DCLK2: variants seen among roughly 807,000 people sequenced by gnomAD.
DCLK2 encodes the protein serine/threonine-protein kinase DCLK2.
In DCLK2, 31 loss-of-function variants were observed where a neutral mutation model predicts 78.4. The observed-to-expected ratio is 0.40, with a 90% CI of 0.30 to 0.53. The LOEUF (loss-of-function observed/expected upper bound fraction) is 0.53. DCLK2 is among the 20% of genes least tolerant of loss of function. The pLI is 0.61. For missense variants in DCLK2, 872 were observed against 973.7 expected (o/e 0.90, Z 1.39); for synonymous variants, 407 against 374.9 (o/e 1.09, Z -0.99).
chr4:150,113,357 T>C (rs1346721669), intron 2 of DCLK2, among the ~76,000 whole-genome samples: 1 of 152,216 alleles, frequency 6.6e-6, no homozygotes, highest in Admixed American at 6.5e-5. Context: ...AATTTGGCTG[T>C]GAATCTATCT....
intron 4 of DCLK2, among the ~76,000 whole-genome samples, chr4:150,200,697 A>G (rs1363818715): frequency 4.6e-5 from 7 of 152,216 alleles, no homozygotes; most frequent in African/African-American, 9.6e-5. Flanking sequence ...TACCTTTTCA[A>G]TCTTGGGGCA....
chr4:150,238,209 A>C (rs1466353678), intron 10 of DCLK2, among the ~76,000 whole-genome samples: 1 of 152,168 alleles, frequency 6.6e-6, no homozygotes, highest in Non-Finnish European at 1.5e-5. Flanking sequence ...TTTTATATGT[A>C]ATTTTGCATT....
At chr4:150,121,491 C>T (rs188698789) in intron 2 of DCLK2, among the ~76,000 whole-genome samples, 7 of 152,310 alleles carry the variant, frequency 4.6e-5, no homozygotes, top group Non-Finnish European at 1.0e-4. Context: ...ATTTAGGCTC[C>T]ACTTCTAATT....
chr4:150,089,341 A>G (rs1329588969), intron 1 of DCLK2, among the ~76,000 whole-genome samples: 1 of 152,222 alleles, frequency 6.6e-6, no homozygotes, highest in Non-Finnish European at 1.5e-5. Context: ...GGAATGAGAG[A>G]TTAAGGAGGA....
At chr4:150,099,753 G>T (rs1730758721) in intron 1 of DCLK2, among the ~76,000 whole-genome samples, 1 of 152,164 alleles carries the variant, frequency 6.6e-6, no homozygotes, top group African/African-American at 2.4e-5. Context: ...AGAAAACAGG[G>T]CCATGGGTGC....
At chr4:150,217,723 C>T (rs904628420) in intron 5 of DCLK2, among the ~76,000 whole-genome samples, 4 of 152,182 alleles carry the variant, frequency 2.6e-5, no homozygotes, top group Non-Finnish European at 4.4e-5. Context: ...TTATGTTTCT[C>T]TGTTCAGCTG....
At chr4:150,104,423 A>AAAAAAAAAAAAC (rs1553954755) in intron 2 of DCLK2, among the ~76,000 whole-genome samples, 2 of 141,038 alleles carry the variant, frequency 1.4e-5, no homozygotes, top group Non-Finnish European at 3.1e-5. Flanking sequence ...AAAAAAAAAA[A>AAAAAAAAAAAAC]TCGAGCATCT....
At chr4:150,232,849 C>T in intron 10 of DCLK2, 21 bp downstream of exon 10, 1 of 1,606,046 alleles carries the variant, frequency 6.2e-7, no homozygotes, top group Non-Finnish European at 8.5e-7. Context: ...CCTGCTTTTT[C>T]TGTTCCAATG....
At chr4:150,254,563 G>A (rs1167524309) in intron 15 of DCLK2, 1 of 398,208 alleles carries the variant, frequency 2.5e-6, no homozygotes, top group Non-Finnish European at 4.4e-6. Context: ...TTTGTGGTAG[G>A]AAAAACCTGT....
intron 12 of DCLK2, among the ~76,000 whole-genome samples, chr4:150,244,325 T>C (rs1052691308): frequency 2.6e-5 from 4 of 152,304 alleles, no homozygotes; most frequent in African/African-American, 9.6e-5. Context: ...AGTTGTTGTC[T>C]AAGCAAGTCT....
At chr4:150,198,186 G>C (rs1739201763) in intron 4 of DCLK2, 83 bp downstream of exon 4, 2 of 1,272,174 alleles carry the variant, frequency 1.6e-6, no homozygotes, top group African/African-American at 1.5e-5. Flanking sequence ...TGAATTAGTA[G>C]TCTTTGCCAG....
At chr4:150,117,307 C>A (rs2150176306) in intron 2 of DCLK2, among the ~76,000 whole-genome samples, 1 of 152,296 alleles carries the variant, frequency 6.6e-6, no homozygotes, top group Admixed American at 6.5e-5. Flanking sequence ...GTTCCACTAG[C>A]AGCAGCTAGC....
In DCLK2 at chr4:150,171,939, T is replaced by G. The variant is rs114351360; in HGVS notation, c.757-21199T>G. The stretch of plus-strand genomic sequence containing the variant: ...ACTGGGTAAAAGATAAATTGACAAA[T>G]GCGTGCATCTTGTGACATGTCCAGA... On this transcript the variant is annotated intron_variant, in intron 2 of 15. Coordinates refer to ENST00000296550, the MANE Select transcript of DCLK2 (RefSeq NM_001040260.4). Among the ~76,000 whole-genome samples the G allele has an allele frequency of 2.2e-3, 342 of 152,350 alleles. 1 individual carries two copies. Among genetic ancestry groups the G allele is most frequent in the African/African-American group, 7.9e-3 (329 of 41,590 alleles).
At chr4:150,200,711 G>A (rs1739387890) in intron 4 of DCLK2, among the ~76,000 whole-genome samples, 2 of 152,232 alleles carry the variant, frequency 1.3e-5, no homozygotes, top group African/African-American at 2.4e-5. Flanking sequence ...TGGGGCAGAA[G>A]TCCTAAATGA....
At chr4:150,102,372 A>C (rs1320389131) in intron 1 of DCLK2, 106 bp from the exon 2 acceptor site, 1 of 1,035,494 alleles carries the variant, frequency 9.7e-7, no homozygotes, top group Non-Finnish European at 1.4e-6. Flanking sequence ...TAGTGAACCC[A>C]CTAAGGTTAA....
chr4:150,211,228 C>T (rs757589599), intron 5 of DCLK2, among the ~76,000 whole-genome samples: 8 of 152,080 alleles, frequency 5.3e-5, no homozygotes, highest in Non-Finnish European at 8.8e-5. Flanking sequence ...CAGAAGGCCT[C>T]GGTTACTCGC....
intron 1 of DCLK2, among the ~76,000 whole-genome samples, chr4:150,091,518 C>T (rs1298260859): frequency 6.6e-6 from 1 of 152,058 alleles, no homozygotes; most frequent in Non-Finnish European, 1.5e-5. Flanking sequence ...AAGTTCAGTG[C>T]TTGCTTCTAC....
intron 2 of DCLK2, among the ~76,000 whole-genome samples, chr4:150,107,528 C>T (rs1731353730): frequency 6.6e-6 from 1 of 151,834 alleles, no homozygotes; most frequent in African/African-American, 2.4e-5. Context: ...AGGCACATGA[C>T]ACCATGCCTG....
chr4:150,254,999 T>C (rs530788927), intron 15 of DCLK2, among the ~76,000 whole-genome samples: 1 of 152,320 alleles, frequency 6.6e-6, no homozygotes, highest in African/African-American at 2.4e-5. Context: ...ACTGTTCAGC[T>C]TGAACTTGTG....
Sources: gnomAD v4.1 joint callset for allele counts (sites outside exome capture counted in the v4.1 genomes callset) on GRCh38, gnomAD v4.1.1 for gene constraint, MANE v1.5 for transcripts, NCBI Gene and HGNC (gene_info 2026-07-23, HGNC 2026-07-21) for gene names.